The following ITGAE variants were observed in gnomAD, a reference collection of about 807,000 sequenced individuals.
ITGAE encodes the protein integrin alpha-E.
ITGAE carries 99 observed loss-of-function variants against 136.5 expected under a neutral mutation model. The observed-to-expected ratio is 0.73, with a 90% CI of 0.62 to 0.86. ITGAE has a LOEUF of 0.86. Ranked by LOEUF, ITGAE falls within the 40% of genes least tolerant of loss-of-function variation. ITGAE has a pLI of 0.00. For synonymous variants in ITGAE, 613 were observed against 591.8 expected (o/e 1.04, Z -0.52); for missense variants, 1,447 against 1,515.3 (o/e 0.95, Z 0.75).
intron 16 of ITGAE, among the ~76,000 whole-genome samples, chr17:3,748,315 G>C (rs769445692): frequency 6.6e-6 from 1 of 152,248 alleles, no homozygotes; most frequent in African/African-American, 2.4e-5. Context: ...GGCCGAGTGC[G>C]GTGGCTCACG....
chr17:3,719,234 TCA>T (rs1491396501), intron 29 of ITGAE, among the ~76,000 whole-genome samples: 1 of 34,838 alleles, frequency 2.9e-5, no homozygotes, highest in African/African-American at 1.2e-4. Flanking sequence ...AGATTCTTCC[TCA>T]AAAAAAAAAA....
At chr17:3,719,002 C>T (rs760534881) in intron 29 of ITGAE, among the ~76,000 whole-genome samples, 3 of 152,014 alleles carry the variant, frequency 2.0e-5, no homozygotes, top group South Asian at 2.1e-4. Flanking sequence ...GAGGTCAAGG[C>T]GGGCAGATCA....
chr17:3,715,017 G>T, intron 30 of ITGAE, 75 bp from the exon 31 acceptor site: 1 of 831,248 alleles, frequency 1.2e-6, no homozygotes, highest in Non-Finnish European at 2.0e-6. Context: ...CATTCTGGCT[G>T]TTGCCTAAAT....
At chr17:3,800,823 C>G (rs112028861) in intron 1 of ITGAE, among the ~76,000 whole-genome samples, 5 of 152,354 alleles carry the variant, frequency 3.3e-5, no homozygotes, top group African/African-American at 1.2e-4. Context: ...GGGAGAGGGC[C>G]TCGGTGGCGG....
rs1486578427 is a variant in ITGAE at position 3,798,385 on chromosome 17, G to A, written c.34+2726C>T. ...GCTGGAAGGGAAAGCAACACCAGAG[G>A]AGACAATCTCCTGCTCCCACTCACA... is the stretch of plus-strand genomic sequence containing the variant. On this transcript the variant is annotated intron_variant, in intron 1 of 30. Transcript: ENST00000263087. This position sits in a 1 kb window ranked among gnomAD's most constrained non-coding sequence, Gnocchi z 4.3. Among the ~76,000 whole-genome samples the A allele has an allele frequency of 6.6e-6, 1 of 152,106 alleles. No individual in the cohort carries two copies. Among genetic ancestry groups the A allele is most frequent in the Non-Finnish European group, 1.5e-5 (1 of 68,006 alleles).
rs2052693933 is a variant in ITGAE, at chr17:3,782,685, G to A, written c.35-5025C>T. ...TAATCTACATTTACATGGGAAAAAA[G>A]CAAGGTGAAGTCCAGTTTACAGACT... On this transcript the variant is annotated intron_variant, in intron 1 of 30. Transcript: ENST00000263087. Among the ~76,000 whole-genome samples, 3 of 152,098 alleles carry A rather than the reference G, an allele frequency of 2.0e-5. No homozygotes were observed. The South Asian group carries it at 6.2e-4, about 32-fold the overall frequency.
chr17:3,761,361 C>A (rs1358874959), intron 5 of ITGAE, 42 bp downstream of exon 5: 1 of 1,559,732 alleles, frequency 6.4e-7, no homozygotes, highest in Non-Finnish European at 8.7e-7. Context: ...CCAAGGAGAT[C>A]TCTTTAGAGC....
At chr17:3,716,165 C>T (rs538149977) in intron 30 of ITGAE, among the ~76,000 whole-genome samples, 35 of 120,656 alleles carry the variant, frequency 2.9e-4, no homozygotes, top group Non-Finnish European at 5.3e-4. Flanking sequence ...AGCGGAACTC[C>T]GTCTCAAAAA....
intron 18 of ITGAE, among the ~76,000 whole-genome samples, chr17:3,745,087 C>CT (rs549813951): frequency 5.3e-5 from 8 of 152,248 alleles, no homozygotes; most frequent in Admixed American, 4.6e-4. Context: ...TCCCGACATA[C>CT]TTTTTTTACC....
chr17:3,741,178 C>T (rs1181256751), intron 19 of ITGAE, among the ~76,000 whole-genome samples: 7 of 147,800 alleles, frequency 4.7e-5, no homozygotes, highest in South Asian at 4.3e-4. Context: ...CCCGGGTTCA[C>T]GCCATTCTCC....
At chr17:3,753,747 C>A (rs974358482) in intron 13 of ITGAE, 36 bp downstream of exon 13, 1 of 1,610,738 alleles carries the variant, frequency 6.2e-7, no homozygotes, top group Non-Finnish European at 8.5e-7. Flanking sequence ...GATTCCCCAT[C>A]GGTCATAAGG....
intron 17 of ITGAE, among the ~76,000 whole-genome samples, chr17:3,746,819 C>A (rs1597326506): frequency 2.0e-5 from 3 of 152,182 alleles, no homozygotes; most frequent in African/African-American, 7.2e-5. Context: ...TCTCGATCTC[C>A]TGACCTCGTG....
intron 13 of ITGAE, 150 bp from the exon 14 acceptor site, chr17:3,753,580 C>G: frequency 8.8e-7 from 1 of 1,138,318 alleles, no homozygotes; most frequent in Non-Finnish European, 1.2e-6. Flanking sequence ...AGTGGAGGAG[C>G]AGCCCAGGCC....
intron 1 of ITGAE, among the ~76,000 whole-genome samples, chr17:3,786,480 G>A (rs914240620): frequency 3.5e-4 from 54 of 152,176 alleles, no homozygotes; most frequent in African/African-American, 1.3e-3. Context: ...GTATAACATT[G>A]ATATTAAAAT....
chr17:3,778,675 T>C (rs1433098242), intron 1 of ITGAE, among the ~76,000 whole-genome samples: 1 of 152,180 alleles, frequency 6.6e-6, no homozygotes, highest in Non-Finnish European at 1.5e-5. Flanking sequence ...GCTCATGAAT[T>C]CTATTTTATT....
Position 3,761,170 on chromosome 17 carries a change from G to A in ITGAE, c.441C>T (p.Leu147=). 6.3e-7 allele frequency: 1 copy of A among 1,593,080 alleles called. No individual in the cohort carries two copies. Among genetic ancestry groups the A allele is most frequent in the Non-Finnish European group, 8.6e-7 (1 of 1,168,054 alleles). Residue 147 remains leucine (L), a synonymous_variant, in exon 6 of 31, where the codon CTC becomes CTT. Coordinates refer to ENST00000263087, the MANE Select transcript of ITGAE (RefSeq NM_002208.5). Reference sequence around the variant, plus strand: ...TGTCCACACGTGCATCTGGATCCAGGAGATTTTCTTTAAAAACACACATGG... The same window carrying A: ...TGTCCACACGTGCATCTGGATCCAGAAGATTTTCTTTAAAAACACACATGG... ...AQANFFDLEN[L]LDPDARVDTG... is the part of the protein sequence containing the mutation.
At position 3,765,304 on chromosome 17, in the gene ITGAE, A is replaced by G. The variant is rs1036815475; in HGVS notation, c.156-1344T>C. 5.1e-5 allele frequency among the ~76,000 whole-genome samples: 7 copies of G among 137,052 alleles called. No homozygotes were observed. The East Asian group carries it at 9.4e-4, about 18-fold the overall frequency. The allele number at this position is 137,052 out of a possible 152,430, so 89.9% of individuals were successfully genotyped here. A position where few individuals can be genotyped will look rare whatever the true frequency, so the allele number is the denominator to read the frequency against. The stretch of plus-strand genomic sequence containing the variant: ...GCAGAGGTTGCAGTGAGCCGAGATC[A>G]CGCCACTGAACTCCAGCCTGGGTGA... On this transcript the variant is annotated intron_variant, in intron 2 of 30. Coordinates refer to ENST00000263087, the MANE Select transcript of ITGAE (RefSeq NM_002208.5).
intron 26 of ITGAE, chr17:3,726,432 C>T (rs1474153086): frequency 1.3e-6 from 1 of 762,622 alleles, no homozygotes; most frequent in Non-Finnish European, 2.2e-6. Context: ...AACTCCCATT[C>T]TCACAGGTTT....
intron 1 of ITGAE, among the ~76,000 whole-genome samples, chr17:3,777,981 C>G (rs2143316685): frequency 1.3e-5 from 2 of 152,288 alleles, no homozygotes; most frequent in South Asian, 4.2e-4. Context: ...GTACTCACGT[C>G]ACTGCGTCTT....
Sources: allele counts gnomAD v4.1 joint callset (sites outside exome capture counted in the v4.1 genomes callset), GRCh38; gene constraint gnomAD v4.1.1; non-coding constraint Gnocchi (gnomAD v3.1); transcripts MANE v1.5; gene names NCBI Gene and HGNC (gene_info 2026-07-23, HGNC 2026-07-21).